GRIP1: variants seen among roughly 807,000 people sequenced by gnomAD.
GRIP1 encodes the protein glutamate receptor interacting protein 1.
Under a neutral mutation model 129.9 loss-of-function variants are expected in GRIP1, and 45 were observed. That is an observed-to-expected ratio of 0.35 (90% CI 0.27 to 0.44). GRIP1 has a LOEUF of 0.44. Among genes scored for constraint, GRIP1 ranks in the 20% least tolerant of loss-of-function variants. The pLI, the probability that GRIP1 is intolerant of heterozygous loss-of-function variation, is 1.00. For synonymous variants in GRIP1, 530 were observed against 520.8 expected (o/e 1.02, Z -0.24); for missense variants, 1,196 against 1,396.8 (o/e 0.86, Z 2.29).
chr12:66,650,616 G>T (rs2032724580), intron 1 of GRIP1, among the ~76,000 whole-genome samples: 2 of 152,146 alleles, frequency 1.3e-5, no homozygotes, highest in Non-Finnish European at 2.9e-5. Flanking sequence ...ACTTACACAT[G>T]CTGGTCACTA....
rs141640747 is a variant in GRIP1, at chr12:66,654,944, T to G, written c.55+23906A>C. 9.9e-4 allele frequency among the ~76,000 whole-genome samples: 151 copies of G among 152,322 alleles called. 1 individual carries two copies. Among genetic ancestry groups the G allele is most frequent in the African/African-American group, 3.5e-3 (144 of 41,566 alleles). On this transcript the variant is annotated intron_variant, in intron 1 of 24. Transcript: ENST00000359742. The stretch of plus-strand genomic sequence containing the variant: ...CTAGGAATAAAGAAAAAAATCTAAT[T>G]TAGTCATGCTGTTTTTTACATTCTT...
intron 5 of GRIP1, among the ~76,000 whole-genome samples, chr12:66,518,872 C>T (rs1007805466): frequency 5.3e-5 from 8 of 152,246 alleles, no homozygotes; most frequent in East Asian, 3.9e-4. Flanking sequence ...AATGCTTTTC[C>T]GAAAGTTGAA....
rs548554754 is a variant in GRIP1, at chr12:67,064,664, T to G, written c.58+4386A>C. Among the ~76,000 whole-genome samples the G allele has an allele frequency of 5.4e-4, 82 of 152,332 alleles. No individual in the cohort carries two copies. The Middle Eastern group carries it at 0.01, about 19-fold the overall frequency. ...AGGTTGTGGGTGGGGTCACCAGATC[T>G]CCTCGATATGGGTGATTTGGGAAAT... On this transcript the variant is annotated intron_variant, in intron 1 of 1. Coordinates refer to the GRIP1 transcript ENST00000643019.
At chr12:66,945,984 A>C (rs1486227249) in intron 1 of GRIP1, among the ~76,000 whole-genome samples, 3 of 152,164 alleles carry the variant, frequency 2.0e-5, no homozygotes, top group African/African-American at 7.2e-5. Flanking sequence ...CCAGATGCCC[A>C]ATTCCTCAAT....
intron 1 of GRIP1, among the ~76,000 whole-genome samples, chr12:67,009,640 G>A (rs916313173): frequency 6.6e-6 from 1 of 152,128 alleles, no homozygotes; most frequent in Non-Finnish European, 1.5e-5. Context: ...GCTCAACACT[G>A]TGAAAGTCCT....
At chr12:66,482,928 C>T (rs17181113) in intron 7 of GRIP1, among the ~76,000 whole-genome samples, 2,056 of 152,294 alleles carry the variant, frequency 0.014, 30 homozygotes, top group South Asian at 0.032. Flanking sequence ...ACATCTCAGT[C>T]ATTAAGATAT....
chr12:66,679,174 T>C (rs1055197914), upstream of GRIP1: 8 of 1,362,080 alleles, frequency 5.9e-6, no homozygotes, highest in Non-Finnish European at 7.6e-6. Context: ...GCCGTTTCGA[T>C]AGCAACAAAG....
chr12:66,756,663 A>T (rs918006745), intron 1 of GRIP1, among the ~76,000 whole-genome samples: 2 of 152,204 alleles, frequency 1.3e-5, no homozygotes, highest in Non-Finnish European at 2.9e-5. Flanking sequence ...GTTAACTAGC[A>T]TTAAGCTCTT....
At chr12:66,579,440 C>T (rs1335012730) in intron 2 of GRIP1, among the ~76,000 whole-genome samples, 1 of 152,144 alleles carries the variant, frequency 6.6e-6, no homozygotes, top group Non-Finnish European at 1.5e-5. Flanking sequence ...GAGAAGAAGG[C>T]TTCAGACGAT....
chr12:67,038,379 T>C (rs1477482059), intron 1 of GRIP1, among the ~76,000 whole-genome samples: 1 of 152,210 alleles, frequency 6.6e-6, no homozygotes, highest in Non-Finnish European at 1.5e-5. Context: ...GAATTCCAAT[T>C]GGTGTTTGTG....
At chr12:67,010,715 C>T (rs1391169919) in intron 1 of GRIP1, among the ~76,000 whole-genome samples, 1 of 152,116 alleles carries the variant, frequency 6.6e-6, no homozygotes, top group Non-Finnish European at 1.5e-5. Context: ...GAGCTGTCAA[C>T]AAGATCTGAG....
intron 1 of GRIP1, among the ~76,000 whole-genome samples, chr12:66,712,699 G>T (rs1350879139): frequency 6.6e-6 from 1 of 151,914 alleles, no homozygotes; most frequent in Non-Finnish European, 1.5e-5. Flanking sequence ...TACGTGACCT[G>T]GGGTGAATCA....
chr12:67,046,326 A>G (rs541822797), intron 1 of GRIP1, among the ~76,000 whole-genome samples: 5 of 152,252 alleles, frequency 3.3e-5, no homozygotes, highest in Non-Finnish European at 7.4e-5. Context: ...GATCTCCATG[A>G]TCAAATCTCA....
intron 7 of GRIP1, among the ~76,000 whole-genome samples, chr12:66,504,682 G>A (rs776675245): frequency 4.3e-4 from 66 of 152,152 alleles, no homozygotes; most frequent in Non-Finnish European, 6.9e-4. Flanking sequence ...GAAAATCATT[G>A]ACTCCCCCTG....
rs1174854411 is a variant in GRIP1 at position 66,408,409 on chromosome 12, G to A, written c.1839-1981C>T. ...CAGGAGAATCACTTGAACCTGGGAG[G>A]TGCAGGTTGCAGTGAGCCGATTGCA... On this transcript the variant is annotated intron_variant, in intron 15 of 24. Coordinates refer to ENST00000359742, the MANE Select transcript of GRIP1 (RefSeq NM_001366722.1). Among the ~76,000 whole-genome samples, 6 of 152,284 alleles carry A rather than the reference G, an allele frequency of 3.9e-5. No homozygotes were observed. The East Asian group carries it at 1.2e-3, about 29-fold the overall frequency.
intron 1 of GRIP1, among the ~76,000 whole-genome samples, chr12:66,693,521 CCTT>C (rs2035050510): frequency 6.6e-6 from 1 of 152,134 alleles, no homozygotes; most frequent in East Asian, 1.9e-4. Context: ...AGTTTGCTGT[CCTT>C]CTCCCTTGAA....
chr12:66,649,975 G>T (rs1289663113), intron 1 of GRIP1, among the ~76,000 whole-genome samples: 1 of 152,170 alleles, frequency 6.6e-6, no homozygotes, highest in Non-Finnish European at 1.5e-5. Flanking sequence ...CCGAGCCACA[G>T]AAAGTTTTTA....
intron 7 of GRIP1, among the ~76,000 whole-genome samples, chr12:66,495,789 G>C (rs2060222814): frequency 6.6e-6 from 1 of 152,156 alleles, no homozygotes; most frequent in Admixed American, 6.5e-5. Flanking sequence ...CGACTTTTAA[G>C]GAACTCAACA....
chr12:66,874,683 AC>A (rs1202795288), intron 1 of GRIP1, among the ~76,000 whole-genome samples: 1 of 151,996 alleles, frequency 6.6e-6, no homozygotes, highest in African/African-American at 2.4e-5. Context: ...TTTTTAAACA[AC>A]CAGATGTTGT....
Sources: gnomAD v4.1 joint callset for allele counts (sites outside exome capture counted in the v4.1 genomes callset) on GRCh38, gnomAD v4.1.1 for gene constraint, MANE v1.5 for transcripts, NCBI Gene and HGNC (gene_info 2026-07-23, HGNC 2026-07-21) for gene names.